Variants in DTX1 observed in about 807,000 individuals in gnomAD.
DTX1 encodes E3 ubiquitin-protein ligase DTX1.
A neutral mutation model predicts 57.8 loss-of-function variants in DTX1; 26 were observed. The ratio of observed to expected loss-of-function variants is 0.45; its 90% CI spans 0.33 to 0.62. DTX1 has a LOEUF of 0.62. DTX1 is among the 20% of genes least tolerant of loss of function. The probability of loss-of-function intolerance (pLI) is 0.02; values close to 1 mark genes in which losing one functional copy is unlikely to be tolerated. For synonymous variants in DTX1, 398 were observed against 394.1 expected, an observed-to-expected ratio of 1.01 and a Z score of -0.12; for missense variants, 704 against 895.3, an observed-to-expected ratio of 0.79 and a Z score of 2.73.
chr12:113,075,859 T>G (rs2136057913), intron 2 of DTX1, among the ~76,000 whole-genome samples: 1 of 152,268 alleles, frequency 6.6e-6, no homozygotes, highest in Middle Eastern at 3.4e-3. Context: ...AATTTATTCA[T>G]TCATTCAACA....
intron 3 of DTX1, among the ~76,000 whole-genome samples, chr12:113,082,334 A>T (rs1352672396): frequency 2.6e-5 from 4 of 152,124 alleles, no homozygotes; most frequent in African/African-American, 9.7e-5. Context: ...CCCGGGGAAA[A>T]TCCCTCTGGC....
At chr12:113,091,215 A>ATG (rs1235136997) in intron 3 of DTX1, among the ~76,000 whole-genome samples, 1 of 151,562 alleles carries the variant, frequency 6.6e-6, no homozygotes, top group African/African-American at 2.4e-5. Context: ...TTCTGTGTGT[A>ATG]TGTGTGTGTC....
Position 113,096,358 on chromosome 12 carries a change from G to GGA in DTX1, c.1639-355_1639-354dup, listed in dbSNP as rs1047106011. Among the ~76,000 whole-genome samples, 5 of 144,720 alleles carry GGA rather than the reference G, an allele frequency of 3.5e-5. No individual in the cohort carries two copies. The Admixed American group carries it at 3.7e-4, about 11-fold the overall frequency. 94.9% of individuals were successfully genotyped at this position (144,720 alleles called of 152,430 possible). The stretch of plus-strand genomic sequence containing the variant: ...GAGAGGCTGATGTGGGACGATTGTT[G>GGA]GAGCCCAGGAGTTCGAGGCTGCAGT... On this transcript the variant is annotated intron_variant, in intron 9 of 9. Coordinates refer to ENST00000548759, the MANE Select transcript of DTX1 (RefSeq NM_004416.3).
intron 6 of DTX1, 148 bp from the exon 7 acceptor site, chr12:113,094,641 G>A: frequency 1.2e-5 from 10 of 807,852 alleles, no homozygotes; most frequent in Non-Finnish European, 1.7e-5. Flanking sequence ...ACAATGTATG[G>A]GGCAGAGGGT....
chr12:113,066,961 C>T (rs1010648145), intron 2 of DTX1, among the ~76,000 whole-genome samples: 9 of 152,210 alleles, frequency 5.9e-5, no homozygotes, highest in Non-Finnish European at 1.2e-4. Context: ...GGCCAAGCGC[C>T]TCTCCCTCTC....
chr12:113,058,075 G>C lies in DTX1; in HGVS notation c.-118G>C. 1 of 1,422,094 alleles carries C rather than the reference G, an allele frequency of 7.0e-7. No homozygotes were observed. The highest frequency in any genetic ancestry group is 9.2e-7 in the Non-Finnish European group (1 of 1,084,796). The allele number at this position is 1,422,094 out of a possible 1,614,324, so 88.1% of individuals were successfully genotyped here. A position where few individuals can be genotyped will look rare whatever the true frequency, so the allele number is the denominator to read the frequency against. ...TCAGAGAGAACCCAGAGTTAGAAAG[G>C]AGGCCAGACGGTCCTTGCTGTCCCC... On this transcript the variant is annotated 5_prime_UTR_variant, in exon 2 of 10. Coordinates refer to ENST00000548759, the MANE Select transcript of DTX1 (RefSeq NM_004416.3).
Position 113,068,306 on chromosome 12 carries a change from G to A in DTX1, c.260-9118G>A, listed in dbSNP as rs367688130. Among the ~76,000 whole-genome samples the A allele has an allele frequency of 7.0e-4, 106 of 152,338 alleles. 2 individuals carry two copies. Among genetic ancestry groups the A allele is most frequent in the Admixed American group, 5.9e-3 (91 of 15,310 alleles). ...CAGCCTTGGAGGGGCTGCCAGGCCC[G>A]AAGGAACACAGACACCTCCGCACCT... On this transcript the variant is annotated intron_variant, in intron 2 of 9. Transcript: ENST00000548759.
chr12:113,067,190 C>T (rs1338095336), intron 2 of DTX1, among the ~76,000 whole-genome samples: 4 of 151,904 alleles, frequency 2.6e-5, no homozygotes, highest in South Asian at 2.1e-4. Context: ...TCCCGATGAC[C>T]GACTGGGCCT....
At chr12:113,096,439 CAAAAAAAAA>C (rs56194115) in intron 9 of DTX1, among the ~76,000 whole-genome samples, 14 of 92,754 alleles carry the variant, frequency 1.5e-4, no homozygotes, top group Non-Finnish European at 2.2e-4. Context: ...GACTCTGCCT[CAAAAAAAAA>C]AAAAAAAAAA....
At chr12:113,068,082 T>G (rs572036445) in intron 2 of DTX1, among the ~76,000 whole-genome samples, 1 of 152,302 alleles carries the variant, frequency 6.6e-6, no homozygotes, top group South Asian at 2.1e-4. Context: ...ATTTTTTAAA[T>G]GTAAATAGCA....
rs772029371 is a variant in DTX1 at position 113,094,872 on chromosome 12, C to T, written c.1311C>T (p.Leu437=). ...GGCACAAGGGCGTGCGGCCTGAGCT[C>T]GTGGGCCGCCTGGGCCGCTGTGGCC... ...VLRHKGVRPE[L]VGRLGRCGHM... is the part of the protein sequence containing the mutation. The change falls in exon 7 of 10, where the codon CTC becomes CTT. Residue 437 remains leucine, a synonymous_variant. Coordinates refer to ENST00000548759, the MANE Select transcript of DTX1 (RefSeq NM_004416.3). The T allele has an allele frequency of 1.1e-5, 17 of 1,613,606 alleles. No individual in the cohort carries two copies. The highest frequency in any genetic ancestry group is 1.3e-5 in the African/African-American group (1 of 74,946).
At chr12:113,085,088 T>C (rs2044846794) in intron 3 of DTX1, among the ~76,000 whole-genome samples, 1 of 151,280 alleles carries the variant, frequency 6.6e-6, no homozygotes, top group South Asian at 2.1e-4. Flanking sequence ...CTCACTTTGT[T>C]GTCCAGGCTG....
rs1293503052 is a variant in DTX1 at position 113,077,997 on chromosome 12, G to A, written c.833G>A (p.Arg278Gln). 91 of 1,093,140 alleles carry A rather than the reference G, an allele frequency of 8.3e-5. No individual in the cohort carries two copies. Among genetic ancestry groups the A allele is most frequent in the Non-Finnish European group, 1.0e-4 (91 of 900,238 alleles). 67.7% of individuals were successfully genotyped at this position (1,093,140 alleles called of 1,614,324 possible). ...EPAPPPGAPP[R>Q]SPGAPGGART... ...GCGCCGCCTCCCGGGGCGCCCCCAC[G>A]GAGCCCGGGCGCCCCCGGCGGAGCG... The change falls in exon 3 of 10, where the codon CGG (arginine) becomes CAG (glutamine). Residue 278 changes from arginine to glutamine, a missense_variant. Physicochemically the swap from Arg to Gln is conservative, Grantham distance 43. Transcript: ENST00000548759. The surrounding 1 kb of genome is among the most constrained non-coding windows in gnomAD (Gnocchi z 7.8).
intron 2 of DTX1, among the ~76,000 whole-genome samples, chr12:113,073,702 C>T (rs1204681318): frequency 6.6e-6 from 1 of 152,210 alleles, no homozygotes. Flanking sequence ...AGTAGGGACA[C>T]ACCAGTGTGG....
At chr12:113,092,873 A>C (rs1950258161) in intron 3 of DTX1, among the ~76,000 whole-genome samples, 1 of 152,228 alleles carries the variant, frequency 6.6e-6, no homozygotes, top group Non-Finnish European at 1.5e-5. Context: ...GAGCCCTCAG[A>C]GCCAAAGCGC....
At chr12:113,086,206 C>T (rs2044855838) in intron 3 of DTX1, among the ~76,000 whole-genome samples, 1 of 151,324 alleles carries the variant, frequency 6.6e-6, no homozygotes, top group African/African-American at 2.4e-5. Flanking sequence ...TTGCAGTGAG[C>T]CAAGATCGAG....
intron 3 of DTX1, among the ~76,000 whole-genome samples, chr12:113,082,161 C>A (rs529438572): frequency 2.0e-5 from 3 of 152,140 alleles, no homozygotes; most frequent in Non-Finnish European, 4.4e-5. Context: ...AGACATTGGC[C>A]TGGAAAACAG....
chr12:113,066,522 C>T (rs555359921), intron 2 of DTX1, among the ~76,000 whole-genome samples: 45 of 146,388 alleles, frequency 3.1e-4, no homozygotes, highest in East Asian at 3.9e-4. Context: ...AGTGAGACTC[C>T]GTCTCAAAAA....
intron 3 of DTX1, among the ~76,000 whole-genome samples, chr12:113,087,257 A>G (rs1351975951): frequency 6.6e-6 from 1 of 152,182 alleles, no homozygotes; most frequent in Non-Finnish European, 1.5e-5. Context: ...GGGGTCTAGA[A>G]GACAGAAGTA....
Sources: allele counts gnomAD v4.1 joint callset (sites outside exome capture counted in the v4.1 genomes callset), GRCh38; gene constraint gnomAD v4.1.1; non-coding constraint Gnocchi (gnomAD v3.1); transcripts MANE v1.5; gene names NCBI Gene and HGNC (gene_info 2026-07-23, HGNC 2026-07-21).